Variants in CLSTN2 observed in about 807,000 individuals in gnomAD.
CLSTN2 encodes calsyntenin-2.
CLSTN2 carries 48 observed loss-of-function variants against 101.2 expected under a neutral mutation model. The ratio of observed to expected loss-of-function variants is 0.47; its 90% CI spans 0.38 to 0.60. The LOEUF is 0.60. Among genes scored for constraint, CLSTN2 ranks in the 20% least tolerant of loss-of-function variants. The pLI is 0.00. For synonymous variants in CLSTN2, 481 were observed against 463.6 expected (o/e 1.04, Z -0.48); for missense variants, 1,160 against 1,238.2 (o/e 0.94, Z 0.95).
Position 140,385,176 on chromosome 3 carries a change from G to C in CLSTN2, c.233-18453G>C, listed in dbSNP as rs1229398673. The stretch of plus-strand genomic sequence containing the variant: ...GCAGTGAATTTGGGAAGACTAAGCA[G>C]TGTATCCAGCTGTGTTACTAAGGCA... On this transcript the variant is annotated intron_variant, in intron 2 of 16. Transcript: ENST00000458420. Among the ~76,000 whole-genome samples, 3 of 152,106 alleles carry C rather than the reference G, an allele frequency of 2.0e-5. No homozygotes were observed. In the South Asian group the frequency reaches 6.2e-4, roughly 32 times the overall value.
At chr3:140,393,711 T>C (rs2088147151) in intron 2 of CLSTN2, among the ~76,000 whole-genome samples, 1 of 152,204 alleles carries the variant, frequency 6.6e-6, no homozygotes, top group Non-Finnish European at 1.5e-5. Context: ...GTCTGACTAA[T>C]GTATCACCTG....
chr3:140,376,479 T>A (rs1312991619), intron 2 of CLSTN2, among the ~76,000 whole-genome samples: 2 of 152,202 alleles, frequency 1.3e-5, no homozygotes, highest in Non-Finnish European at 2.9e-5. Flanking sequence ...CCTTTCTGCA[T>A]TTTTCCTCTA....
chr3:140,056,758 G>A (rs1402048593), intron 1 of CLSTN2, among the ~76,000 whole-genome samples: 5 of 152,110 alleles, frequency 3.3e-5, no homozygotes, highest in African/African-American at 1.2e-4. Flanking sequence ...GAGAAATTCA[G>A]GCTATTTAGT....
At chr3:140,547,917 G>C (rs1935630363) in intron 10 of CLSTN2, among the ~76,000 whole-genome samples, 1 of 152,216 alleles carries the variant, frequency 6.6e-6, no homozygotes, top group Admixed American at 6.5e-5. Flanking sequence ...AAGCTATGAG[G>C]GTTTCTGTCC....
chr3:140,446,920 C>G (rs1278939550), intron 5 of CLSTN2, among the ~76,000 whole-genome samples: 3 of 152,212 alleles, frequency 2.0e-5, no homozygotes, highest in Non-Finnish European at 2.9e-5. Context: ...AGGCTCCTGA[C>G]TTGTTCACTG....
intron 8 of CLSTN2, among the ~76,000 whole-genome samples, chr3:140,491,433 T>C (rs774021940): frequency 1.3e-5 from 2 of 152,256 alleles, no homozygotes; most frequent in Non-Finnish European, 2.9e-5. Context: ...GAATGAACTT[T>C]TAAAAATTTT....
chr3:140,139,925 T>C (rs148155103), intron 1 of CLSTN2, among the ~76,000 whole-genome samples: 2 of 152,320 alleles, frequency 1.3e-5, no homozygotes, highest in African/African-American at 4.8e-5. Context: ...CCAGTGCAGA[T>C]GAAGGTCATT....
At chr3:140,012,501 G>A (rs2007099272) in intron 1 of CLSTN2, among the ~76,000 whole-genome samples, 1 of 152,180 alleles carries the variant, frequency 6.6e-6, no homozygotes, top group Non-Finnish European at 1.5e-5. Context: ...AGTCAGGACT[G>A]TTGTAGCAGC....
intron 1 of CLSTN2, among the ~76,000 whole-genome samples, chr3:140,057,255 A>G (rs550010749): frequency 2.0e-5 from 3 of 152,264 alleles, no homozygotes; most frequent in African/African-American, 7.2e-5. Context: ...ACTTGAGCCC[A>G]GTGCTCCTAA....
intron 2 of CLSTN2, among the ~76,000 whole-genome samples, chr3:140,322,898 T>C (rs2087297283): frequency 6.6e-6 from 1 of 152,186 alleles, no homozygotes; most frequent in African/African-American, 2.4e-5. Context: ...TCATGTACAT[T>C]ATCTGAATTA....
chr3:140,562,294 G>A lies in CLSTN2; in HGVS notation c.2198G>A (p.Gly733Asp), dbSNP rs1340297373. The part of the protein sequence containing the change: ...RHLDATNSTA[G>D]YSIYGVGSMS... Reference sequence around the variant, plus strand: ...CTGGATGCCACTAATTCTACTGCAGGCTACTCCATCTACGGTAAGGCCACA... The same window carrying A: ...CTGGATGCCACTAATTCTACTGCAGACTACTCCATCTACGGTAAGGCCACA... The change falls in exon 13 of 17, where the codon GGC (glycine) becomes GAC (aspartate). Residue 733 changes from glycine (G) to aspartate (D), a missense_variant. Coordinates refer to ENST00000458420, the MANE Select transcript of CLSTN2 (RefSeq NM_022131.3). The A allele has an allele frequency of 2.5e-6, 4 of 1,613,138 alleles. No homozygotes were observed. In the Admixed American group the frequency reaches 5.0e-5, roughly 20 times the overall value.
At chr3:140,032,114 CA>C (rs892498998) in intron 1 of CLSTN2, among the ~76,000 whole-genome samples, 4 of 152,134 alleles carry the variant, frequency 2.6e-5, no homozygotes, top group African/African-American at 9.7e-5. Flanking sequence ...TGCCCATGAA[CA>C]TATTGCATAG....
At chr3:140,353,729 G>A (rs1046904544) in intron 2 of CLSTN2, among the ~76,000 whole-genome samples, 41 of 152,124 alleles carry the variant, frequency 2.7e-4, no homozygotes, top group African/African-American at 9.9e-4. Context: ...TACTGAGATG[G>A]CCAAAATAAA....
chr3:140,225,473 C>T (rs1303654899), intron 2 of CLSTN2, among the ~76,000 whole-genome samples: 4 of 146,004 alleles, frequency 2.7e-5, no homozygotes, highest in Non-Finnish European at 4.5e-5. Flanking sequence ...AAGATGAATA[C>T]GGGCACTGAC....
At chr3:140,512,873 C>T (rs114558122) in intron 8 of CLSTN2, among the ~76,000 whole-genome samples, 2,086 of 152,212 alleles carry the variant, frequency 0.014, 25 homozygotes, top group Middle Eastern at 0.058. Context: ...CTTATTGTGG[C>T]AGCTGTAAAT....
At chr3:140,166,558 T>C (rs1194852558) in intron 1 of CLSTN2, among the ~76,000 whole-genome samples, 2 of 152,128 alleles carry the variant, frequency 1.3e-5, no homozygotes, top group Non-Finnish European at 2.9e-5. Flanking sequence ...ATTCAAAAGG[T>C]AAATCATGAG....
At chr3:139,973,259 T>G (rs1935746613) in intron 1 of CLSTN2, among the ~76,000 whole-genome samples, 1 of 152,242 alleles carries the variant, frequency 6.6e-6, no homozygotes, top group Non-Finnish European at 1.5e-5. Flanking sequence ...TCTCCATGGC[T>G]GCCTTGGATT....
At chr3:140,019,475 G>C (rs2007264873) in intron 1 of CLSTN2, among the ~76,000 whole-genome samples, 1 of 152,110 alleles carries the variant, frequency 6.6e-6, no homozygotes, top group Non-Finnish European at 1.5e-5. Context: ...TTAAATCTCT[G>C]TCTCCCTTTC....
chr3:140,143,144 G>A (rs912055223), intron 1 of CLSTN2, among the ~76,000 whole-genome samples: 4 of 152,164 alleles, frequency 2.6e-5, no homozygotes, highest in African/African-American at 4.8e-5. Flanking sequence ...TGAGATGGCA[G>A]CTGCTGTTAT....
Sources: allele counts gnomAD v4.1 joint callset (sites outside exome capture counted in the v4.1 genomes callset), GRCh38; gene constraint gnomAD v4.1.1; transcripts MANE v1.5; gene names NCBI Gene and HGNC (gene_info 2026-07-23, HGNC 2026-07-21).